Variants in SDHC observed in about 807,000 individuals in gnomAD.
SDHC encodes the protein succinate dehydrogenase cytochrome b560 subunit, mitochondrial.
A neutral mutation model predicts 22.6 loss-of-function variants in SDHC; 11 were observed. The ratio of observed to expected loss-of-function variants is 0.49; its 90% CI spans 0.31 to 0.81. The LOEUF is 0.81. Among genes scored for constraint, SDHC ranks in the 30% least tolerant of loss-of-function variants. The probability of loss-of-function intolerance (pLI) is 0.05; values close to 1 mark genes in which losing one functional copy is unlikely to be tolerated. For synonymous variants in SDHC, 80 were observed against 77.8 expected (o/e 1.03, Z -0.15); for missense variants, 160 against 212.0 (o/e 0.75, Z 1.52).
At chr1:161,321,199 A>G (rs529900340) in intron 1 of SDHC, among the ~76,000 whole-genome samples, 1 of 152,336 alleles carries the variant, frequency 6.6e-6, no homozygotes, top group South Asian at 2.1e-4. Flanking sequence ...GAGTTTCAAA[A>G]ATGATTTCAG....
intron 4 of SDHC, among the ~76,000 whole-genome samples, chr1:161,346,169 C>T (rs1472662947): frequency 1.3e-5 from 2 of 152,150 alleles, no homozygotes; most frequent in African/African-American, 2.4e-5. Flanking sequence ...ATCTTATTTA[C>T]CATTCATACC....
At chr1:161,345,257 C>A (rs1288205595) in intron 4 of SDHC, among the ~76,000 whole-genome samples, 1 of 152,160 alleles carries the variant, frequency 6.6e-6, no homozygotes, top group Admixed American at 6.6e-5. Context: ...CCCACCCTGA[C>A]CTCTTGCTGC....
chr1:161,360,479 C>CT (rs1410568536), intron 5 of SDHC, among the ~76,000 whole-genome samples: 2 of 151,204 alleles, frequency 1.3e-5, no homozygotes, highest in African/African-American at 4.9e-5. Flanking sequence ...TTGCTTGAAC[C>CT]TGGGAGGTCA....
chr1:161,329,558 C>T (rs1039990500), intron 3 of SDHC, among the ~76,000 whole-genome samples: 1 of 150,952 alleles, frequency 6.6e-6, no homozygotes, highest in Non-Finnish European at 1.5e-5. Flanking sequence ...TCTCAAACTC[C>T]TGGCCATAAG....
chr1:161,337,061 G>GGTTTTTTTTT (rs1428173311), intron 3 of SDHC, among the ~76,000 whole-genome samples: 1 of 133,900 alleles, frequency 7.5e-6, no homozygotes. Flanking sequence ...GTAGAAATGG[G>GGTTTTTTTTT]TTTTTTTTTT....
chr1:161,330,756 T>G (rs547339428), intron 3 of SDHC, among the ~76,000 whole-genome samples: 1 of 152,230 alleles, frequency 6.6e-6, no homozygotes, highest in African/African-American at 2.4e-5. Flanking sequence ...TCCTAGCACT[T>G]TGGGAGACCA....
intron 4 of SDHC, among the ~76,000 whole-genome samples, chr1:161,343,875 T>C (rs1671803407): frequency 6.6e-6 from 1 of 152,152 alleles, no homozygotes; most frequent in African/African-American, 2.4e-5. Context: ...TAAAAAAATA[T>C]TCATTTGTAT....
chr1:161,336,802 T>C (rs1029853809), intron 3 of SDHC, among the ~76,000 whole-genome samples: 30 of 152,226 alleles, frequency 2.0e-4, no homozygotes, highest in African/African-American at 6.8e-4. Context: ...CATCTTTTCA[T>C]GTACTTATTG....
At chr1:161,345,479 CAG>C (rs1450531663) in intron 4 of SDHC, among the ~76,000 whole-genome samples, 1 of 152,048 alleles carries the variant, frequency 6.6e-6, no homozygotes, top group Non-Finnish European at 1.5e-5. Flanking sequence ...ATTTTTGAGA[CAG>C]AGTCTCGCTT....
chr1:161,348,451 G>C (rs963322716), intron 4 of SDHC, among the ~76,000 whole-genome samples: 1 of 151,628 alleles, frequency 6.6e-6, no homozygotes, highest in Non-Finnish European at 1.5e-5. Context: ...GAGCTACTGC[G>C]CCTGGCCTGC....
At chr1:161,345,210 A>T (rs1671850519) in intron 4 of SDHC, among the ~76,000 whole-genome samples, 1 of 152,312 alleles carries the variant, frequency 6.6e-6, no homozygotes, top group South Asian at 2.1e-4. Context: ...TTCCTACCTG[A>T]GAGGCATTGC....
intron 5 of SDHC, among the ~76,000 whole-genome samples, chr1:161,358,818 C>T (rs1002971793): frequency 6.6e-5 from 10 of 151,228 alleles, no homozygotes; most frequent in South Asian, 2.1e-4. Flanking sequence ...CCCAGCTACT[C>T]GGGAGGCTGA....
At chr1:161,317,584 CAG>C (rs1183210065) in intron 1 of SDHC, among the ~76,000 whole-genome samples, 6 of 98,048 alleles carry the variant, frequency 6.1e-5, no homozygotes, top group South Asian at 3.7e-4. Flanking sequence ...TTTTTTGAGA[CAG>C]AGTCTCACCC....
At chr1:161,314,681 C>T (rs1304654728) in intron 1 of SDHC, 4 of 583,592 alleles carry the variant, frequency 6.9e-6, no homozygotes, top group South Asian at 6.3e-5. Flanking sequence ...TTTTCCCCAC[C>T]TCCTCTAGTA....
chr1:161,343,569 G>T (rs1307397156), intron 4 of SDHC, among the ~76,000 whole-genome samples: 2 of 152,096 alleles, frequency 1.3e-5, no homozygotes, highest in Non-Finnish European at 2.9e-5. Context: ...TAACCTGCTT[G>T]CACTGAACTG....
chr1:161,337,027 G>A (rs761441835), intron 3 of SDHC, among the ~76,000 whole-genome samples: 3 of 150,214 alleles, frequency 2.0e-5, no homozygotes, highest in Non-Finnish European at 4.4e-5. Context: ...ACGCCACCAT[G>A]TCCGGCTAAT....
At chr1:161,336,644 G>C (rs569524820) in intron 3 of SDHC, among the ~76,000 whole-genome samples, 4 of 151,996 alleles carry the variant, frequency 2.6e-5, no homozygotes, top group South Asian at 2.1e-4. Context: ...GACATACTTG[G>C]GGGGAAAAAA....
intron 1 of SDHC, among the ~76,000 whole-genome samples, chr1:161,322,661 G>T (rs547603739): frequency 2.6e-5 from 4 of 151,626 alleles, no homozygotes; most frequent in Non-Finnish European, 5.9e-5. Flanking sequence ...CTGCCTCCCG[G>T]GCTCAAGTGA....
chr1:161,358,659 G>C (rs1672378709), intron 5 of SDHC, among the ~76,000 whole-genome samples: 2 of 151,608 alleles, frequency 1.3e-5, no homozygotes, highest in Admixed American at 1.3e-4. Context: ...GGGCACAGTG[G>C]TTCACGCCTG....
Sources: allele counts gnomAD v4.1 joint callset (sites outside exome capture counted in the v4.1 genomes callset), GRCh38; gene constraint gnomAD v4.1.1; transcripts MANE v1.5; gene names NCBI Gene and HGNC (gene_info 2026-07-23, HGNC 2026-07-21).